The following NPAS3 variants were observed in gnomAD, a reference collection of about 807,000 sequenced individuals.
NPAS3 encodes neuronal PAS domain protein 3.
A neutral mutation model predicts 73.1 loss-of-function variants in NPAS3; 14 were observed. The observed-to-expected ratio is 0.19, with a 90% confidence interval of 0.13 to 0.30. The LOEUF (loss-of-function observed/expected upper bound fraction) is 0.30. Among genes scored for constraint, NPAS3 ranks in the 10% least tolerant of loss-of-function variants. NPAS3 has a pLI of 1.00. For synonymous variants in NPAS3, 620 were observed against 541.5 expected (o/e 1.14, Z -2.01); for missense variants, 1,096 against 1,250.0 (o/e 0.88, Z 1.86).
intron 1 of NPAS3, among the ~76,000 whole-genome samples, chr14:32,944,638 G>T (rs1056411680): frequency 2.0e-5 from 3 of 152,150 alleles, no homozygotes; most frequent in Non-Finnish European, 4.4e-5. Context: ...CCTCATTAGT[G>T]TGAATAGGAT....
intron 4 of NPAS3, among the ~76,000 whole-genome samples, chr14:33,552,705 T>C (rs997682474): frequency 3.9e-5 from 6 of 152,102 alleles, no homozygotes; most frequent in African/African-American, 7.2e-5. Context: ...GAAAGACACC[T>C]GGTACCCGCG....
intron 3 of NPAS3, among the ~76,000 whole-genome samples, chr14:33,329,149 C>T (rs1055766280): frequency 6.6e-6 from 1 of 152,126 alleles, no homozygotes; most frequent in Non-Finnish European, 1.5e-5. Context: ...GACATCCATT[C>T]GCAGAGCAGA....
chr14:33,528,038 G>A (rs1488350762), intron 4 of NPAS3, among the ~76,000 whole-genome samples: 2 of 151,990 alleles, frequency 1.3e-5, no homozygotes, highest in East Asian at 3.9e-4. Context: ...TAATTTCTGT[G>A]TTCTCTAAAT....
At chr14:33,030,894 A>AT (rs145086362) in intron 1 of NPAS3, among the ~76,000 whole-genome samples, 16,438 of 152,056 alleles carry the variant, frequency 0.11, 1,616 homozygotes, top group African/African-American at 0.27. Flanking sequence ...TTTAATAGAC[A>AT]TTTTTTTGTG....
intron 4 of NPAS3, among the ~76,000 whole-genome samples, chr14:33,510,301 A>G (rs2052983669): frequency 6.6e-6 from 1 of 152,056 alleles, no homozygotes; most frequent in South Asian, 2.1e-4. Flanking sequence ...ACATCCATCA[A>G]AACCAGACCC....
chr14:33,210,481 T>C (rs1055031365), intron 2 of NPAS3, among the ~76,000 whole-genome samples: 4 of 152,208 alleles, frequency 2.6e-5, no homozygotes, highest in Admixed American at 2.0e-4. Context: ...TCCCCACTTC[T>C]GGGCACCACT....
intron 1 of NPAS3, among the ~76,000 whole-genome samples, chr14:33,013,174 G>A (rs17099894): frequency 3.3e-5 from 5 of 151,924 alleles, no homozygotes; most frequent in African/African-American, 1.2e-4. Context: ...GCAGATCAGA[G>A]TAGATGGTTT....
At chr14:33,768,817 C>A (rs369392177) in intron 7 of NPAS3, among the ~76,000 whole-genome samples, 1 of 152,220 alleles carries the variant, frequency 6.6e-6, no homozygotes, top group East Asian at 1.9e-4. Flanking sequence ...AAAGTAGATT[C>A]TTTTTATAGT....
intron 7 of NPAS3, among the ~76,000 whole-genome samples, chr14:33,760,918 C>A (rs1240197531): frequency 6.6e-6 from 1 of 152,126 alleles, no homozygotes; most frequent in African/African-American, 2.4e-5. Context: ...TTTGGAGAAT[C>A]CATTGCAAAA....
At chr14:33,335,294 T>C (rs1425309343) in intron 3 of NPAS3, among the ~76,000 whole-genome samples, 1 of 152,166 alleles carries the variant, frequency 6.6e-6, no homozygotes, top group African/African-American at 2.4e-5. Context: ...AGTGATGGAC[T>C]GCAGGATCAG....
chr14:32,938,785 C>G (rs1211071239), upstream of NPAS3, among the ~76,000 whole-genome samples: 1 of 148,270 alleles, frequency 6.7e-6, no homozygotes, highest in African/African-American at 2.4e-5. Flanking sequence ...AACCCGGAGG[C>G]GGCGGGGCCC....
At chr14:33,770,158 G>A (rs1595581883) in intron 7 of NPAS3, among the ~76,000 whole-genome samples, 1 of 152,138 alleles carries the variant, frequency 6.6e-6, no homozygotes, top group African/African-American at 2.4e-5. Flanking sequence ...CGGGACAGGG[G>A]GACTTTTCAA....
At chr14:33,559,779 GA>G (rs1166220948) in intron 4 of NPAS3, among the ~76,000 whole-genome samples, 9 of 152,202 alleles carry the variant, frequency 5.9e-5, no homozygotes, top group African/African-American at 2.2e-4. Context: ...AGCACTTTGG[GA>G]GGCTGAGGCA....
intron 7 of NPAS3, among the ~76,000 whole-genome samples, chr14:33,756,479 T>G (rs1221203939): frequency 6.6e-6 from 1 of 152,184 alleles, no homozygotes; most frequent in African/African-American, 2.4e-5. Flanking sequence ...AAATAGCAAT[T>G]GGGAGTGGCA....
intron 9 of NPAS3, among the ~76,000 whole-genome samples, chr14:33,784,414 G>C (rs1465094941): frequency 1.1e-4 from 16 of 152,220 alleles, no homozygotes; most frequent in Admixed American, 1.0e-3. Context: ...AAGATGTGCA[G>C]ACAAAACACA....
chr14:33,596,151 G>A (rs1406119819), intron 5 of NPAS3, among the ~76,000 whole-genome samples: 3 of 152,182 alleles, frequency 2.0e-5, no homozygotes, highest in Non-Finnish European at 4.4e-5. Flanking sequence ...GGCTTCTACT[G>A]TGAGACCCAC....
chr14:32,939,623 CAAAAAAA>C (rs752795909), intron 1 of NPAS3, among the ~76,000 whole-genome samples: 3 of 110,298 alleles, frequency 2.7e-5, no homozygotes, highest in East Asian at 5.8e-4. Flanking sequence ...GACTCACTGA[CAAAAAAA>C]AAAAAAAAAA....
intron 3 of NPAS3, among the ~76,000 whole-genome samples, chr14:33,216,933 C>T (rs2047244546): frequency 6.6e-6 from 1 of 151,976 alleles, no homozygotes; most frequent in Non-Finnish European, 1.5e-5. Flanking sequence ...ATGTAGATAT[C>T]AATTCAATAA....
At chr14:33,476,411 A>G (rs1160949415) in intron 4 of NPAS3, among the ~76,000 whole-genome samples, 1 of 152,172 alleles carries the variant, frequency 6.6e-6, no homozygotes, top group African/African-American at 2.4e-5. Flanking sequence ...TGATTTCATA[A>G]ATTAACTAGG....
Sources: gnomAD v4.1 joint callset for allele counts (sites outside exome capture counted in the v4.1 genomes callset) on GRCh38, gnomAD v4.1.1 for gene constraint, MANE v1.5 for transcripts, NCBI Gene and HGNC (gene_info 2026-07-23, HGNC 2026-07-21) for gene names.